The following MAP2K5 variants were observed in gnomAD, a reference collection of about 807,000 sequenced individuals.
MAP2K5 encodes the protein dual specificity mitogen-activated protein kinase kinase 5.
MAP2K5 carries 49 observed loss-of-function variants against 83.1 expected under a neutral mutation model. That is an observed-to-expected ratio of 0.59 (90% confidence interval 0.47 to 0.75). The LOEUF (loss-of-function observed/expected upper bound fraction) is 0.75. Among genes scored for constraint, MAP2K5 ranks in the 30% least tolerant of loss-of-function variants. MAP2K5 has a pLI of 0.00. For missense variants in MAP2K5, 457 were observed against 557.5 expected (o/e 0.82, Z 1.82); for synonymous variants, 202 against 191.8 (o/e 1.05, Z -0.44).
At chr15:67,646,994 G>A (rs1401711260) in intron 11 of MAP2K5, among the ~76,000 whole-genome samples, 2 of 151,994 alleles carry the variant, frequency 1.3e-5, no homozygotes, top group Non-Finnish European at 2.9e-5. Context: ...TATTTTGGTA[G>A]TTCTTTCTTG....
At position 67,718,512 on chromosome 15, in the gene MAP2K5, C is replaced by G. The variant is rs569745098; in HGVS notation, c.1045-9404C>G. Among the ~76,000 whole-genome samples the G allele has an allele frequency of 2.2e-3, 332 of 151,988 alleles. 3 individuals carry two copies. Among genetic ancestry groups the G allele is most frequent in the African/African-American group, 7.6e-3 (314 of 41,456 alleles). ...GGTGCAGTGTCTCATGCCTGTAATC[C>G]CAGCACTTTGGGAGGCTGAGGTGGG... On this transcript the variant is annotated intron_variant, in intron 16 of 21. Coordinates refer to ENST00000178640, the MANE Select transcript of MAP2K5 (RefSeq NM_145160.3).
intron 21 of MAP2K5, among the ~76,000 whole-genome samples, chr15:67,784,143 A>G (rs1250691494): frequency 6.6e-6 from 1 of 152,232 alleles, no homozygotes; most frequent in East Asian, 1.9e-4. Flanking sequence ...TTTGACCTTC[A>G]CATGAACACT....
intron 16 of MAP2K5, among the ~76,000 whole-genome samples, chr15:67,711,966 C>T (rs2088701687): frequency 6.6e-6 from 1 of 152,178 alleles, no homozygotes; most frequent in African/African-American, 2.4e-5. Flanking sequence ...ATATGAATTG[C>T]TCATGAAAAC....
chr15:67,684,919 A>G (rs1483585072), intron 13 of MAP2K5, among the ~76,000 whole-genome samples: 1 of 152,210 alleles, frequency 6.6e-6, no homozygotes, highest in African/African-American at 2.4e-5. Context: ...ACTAGAAAAA[A>G]TATTTTTTTA....
intron 19 of MAP2K5, among the ~76,000 whole-genome samples, chr15:67,756,136 T>C (rs956174283): frequency 6.6e-6 from 1 of 152,250 alleles, no homozygotes; most frequent in Non-Finnish European, 1.5e-5. Context: ...CCTGGCATTG[T>C]TACAGTGCTC....
chr15:67,619,182 A>G (rs575664383), intron 8 of MAP2K5, among the ~76,000 whole-genome samples: 1 of 152,210 alleles, frequency 6.6e-6, no homozygotes, highest in East Asian at 1.9e-4. Flanking sequence ...GTGCCCCCAT[A>G]CTGCTCACAT....
intron 8 of MAP2K5, among the ~76,000 whole-genome samples, chr15:67,618,932 T>C (rs927633374): frequency 6.6e-6 from 1 of 152,220 alleles, no homozygotes; most frequent in Non-Finnish European, 1.5e-5. Context: ...TTCTGAAATA[T>C]TAGGTCTCCC....
At position 67,559,419 on chromosome 15, in the gene MAP2K5, C is replaced by G. The variant is rs966961215; in HGVS notation, c.185-3864C>G. Among the ~76,000 whole-genome samples, 8 of 152,212 alleles carry G rather than the reference C, an allele frequency of 5.3e-5. No individual in the cohort carries two copies. In the South Asian group the frequency reaches 1.7e-3, roughly 32 times the overall value. On this transcript the variant is annotated intron_variant, in intron 2 of 21. Coordinates refer to ENST00000178640, the MANE Select transcript of MAP2K5 (RefSeq NM_145160.3). The surrounding 1 kb of genome is among the most constrained non-coding windows in gnomAD (Gnocchi z 4.7). ...CGCCCCTTACCTGAGGCTGCTTCTC[C>G]TCTCTATTGGGCCTTTATGTTTCTC...
chr15:67,593,395 A>G (rs2085456002), intron 7 of MAP2K5, among the ~76,000 whole-genome samples: 1 of 152,220 alleles, frequency 6.6e-6, no homozygotes, highest in Non-Finnish European at 1.5e-5. Context: ...GAGTGACAGC[A>G]GACCTTTGGC....
chr15:67,646,173 G>T (rs2086827308), intron 9 of MAP2K5, 58 bp from the exon 10 acceptor site: 1 of 710,928 alleles, frequency 1.4e-6, no homozygotes. Flanking sequence ...ATATTTCATA[G>T]TGATTATAAC....
Position 67,747,592 on chromosome 15 carries a change from T to A in MAP2K5, c.1075-639T>A, listed in dbSNP as rs935969919. 6.6e-6 allele frequency among the ~76,000 whole-genome samples: 1 copy of A among 152,210 alleles called. No individual in the cohort carries two copies. The highest frequency in any genetic ancestry group is 1.5e-5 in the Non-Finnish European group (1 of 68,042). ...ATGTTGATCAGAAATGCGCTCTTAC[T>A]GGACTCTGCATTTATTCCCTAAAAA... On this transcript the variant is annotated intron_variant, in intron 17 of 21. Transcript: ENST00000178640. This position sits in a 1 kb window ranked among gnomAD's most constrained non-coding sequence, Gnocchi z 4.1.
At chr15:67,596,898 A>G (rs566070773) in intron 7 of MAP2K5, among the ~76,000 whole-genome samples, 8 of 152,146 alleles carry the variant, frequency 5.3e-5, no homozygotes, top group Admixed American at 1.3e-4. Flanking sequence ...TTGGCCGGGC[A>G]TGGTGGCTCA....
rs1397435100 is a variant in MAP2K5 at position 67,637,456 on chromosome 15, G to A, written c.585+6529G>A. Among the ~76,000 whole-genome samples, 1 of 152,126 alleles carries A rather than the reference G, an allele frequency of 6.6e-6. No homozygotes were observed. The highest frequency in any genetic ancestry group is 1.5e-5 in the Non-Finnish European group (1 of 68,022). On this transcript the variant is annotated intron_variant, in intron 9 of 21. Transcript: ENST00000178640. This position sits in a 1 kb window ranked among gnomAD's most constrained non-coding sequence, Gnocchi z 4.5. ...TAGTACTCTTCTGAGTACTCTACCT[G>A]GTGCCTTGCAAATTGCAAGGTTTTT...
chr15:67,558,379 T>C (rs2084668337), intron 2 of MAP2K5, among the ~76,000 whole-genome samples: 1 of 152,226 alleles, frequency 6.6e-6, no homozygotes, highest in Non-Finnish European at 1.5e-5. Context: ...AAACCTCAGC[T>C]TGGTTTAGGC....
At position 67,782,793 on chromosome 15, in the gene MAP2K5, G is replaced by T. The variant is rs1203167765; in HGVS notation, c.1242+10041G>T. Among the ~76,000 whole-genome samples, 1 of 152,170 alleles carries T rather than the reference G, an allele frequency of 6.6e-6. No individual in the cohort carries two copies. The highest frequency in any genetic ancestry group is 6.5e-5 in the Admixed American group (1 of 15,284). ...ACCCTGGAATGCTGGTTTATGCAGG[G>T]CCTGTGGCACCAGCTCTGGACTGGA... On this transcript the variant is annotated intron_variant, in intron 21 of 21. Transcript: ENST00000178640. The surrounding 1 kb of genome is among the most constrained non-coding windows in gnomAD (Gnocchi z 4.9).
At chr15:67,645,308 A>G (rs568730796) in intron 9 of MAP2K5, among the ~76,000 whole-genome samples, 2 of 152,140 alleles carry the variant, frequency 1.3e-5, no homozygotes, top group East Asian at 1.9e-4. Flanking sequence ...TGAAACCCCC[A>G]TCTCTACCAA....
chr15:67,784,019 G>A (rs973304245), intron 21 of MAP2K5, among the ~76,000 whole-genome samples: 3 of 152,162 alleles, frequency 2.0e-5, no homozygotes, highest in Non-Finnish European at 4.4e-5. Context: ...AATCCAGAAA[G>A]GATCCTGTTT....
intron 9 of MAP2K5, among the ~76,000 whole-genome samples, chr15:67,631,370 A>G (rs2086469402): frequency 1.3e-5 from 2 of 152,260 alleles, no homozygotes; most frequent in Admixed American, 6.5e-5. Context: ...GATCGGGCTC[A>G]CATTACCTCC....
At chr15:67,614,179 G>T (rs1040991978) in intron 8 of MAP2K5, among the ~76,000 whole-genome samples, 1 of 152,156 alleles carries the variant, frequency 6.6e-6, no homozygotes, top group African/African-American at 2.4e-5. Context: ...GAATCGTGAA[G>T]CATTCAGTAA....
Sources: allele counts gnomAD v4.1 joint callset (sites outside exome capture counted in the v4.1 genomes callset), GRCh38; gene constraint gnomAD v4.1.1; non-coding constraint Gnocchi (gnomAD v3.1); transcripts MANE v1.5; gene names NCBI Gene and HGNC (gene_info 2026-07-23, HGNC 2026-07-21).